Variants in ACACA observed in about 807,000 individuals in gnomAD.
ACACA encodes the protein acetyl-CoA carboxylase alpha.
ACACA carries 103 observed loss-of-function variants against 296.1 expected under a neutral mutation model. That is an observed-to-expected ratio of 0.35 (90% CI 0.30 to 0.41). The LOEUF is 0.41. Among genes scored for constraint, ACACA ranks in the 10% least tolerant of loss-of-function variants. The pLI, the probability that ACACA is intolerant of heterozygous loss-of-function variation, is 1.00. For synonymous variants in ACACA, 953 were observed against 1,038.6 expected (o/e 0.92, Z 1.58); for missense variants, 1,554 against 2,989.7 (o/e 0.52, Z 11.20).
chr17:37,242,085 C>T (rs1219136312), intron 22 of ACACA, 32 bp from the exon 23 acceptor site: 1 of 1,560,704 alleles, frequency 6.4e-7, no homozygotes, highest in African/African-American at 1.4e-5. Context: ...AAAATGAGGC[C>T]CAACCCAACA....
chr17:37,091,900 C>T (rs2072663398), intron 54 of ACACA, among the ~76,000 whole-genome samples: 1 of 152,188 alleles, frequency 6.6e-6, no homozygotes, highest in South Asian at 2.1e-4. Flanking sequence ...CTTGTTTGCT[C>T]CCTTAGAACA....
Position 37,097,234 on chromosome 17 carries a change from C to A in ACACA, c.6721-68G>T, listed in dbSNP as rs2073049411. ...GCTTAATGCTCAGTCTGGAGGGAAA[C>A]CCACAGGCATAAAAACTGATTCTCC... On this transcript the variant is annotated intron_variant, in intron 53 of 55. Coordinates refer to ENST00000616317, the MANE Select transcript of ACACA (RefSeq NM_198834.3). The surrounding 1 kb of genome is among the most constrained non-coding windows in gnomAD (Gnocchi z 4.8). The A allele has an allele frequency of 1.9e-6, 3 of 1,559,754 alleles. No homozygotes were observed. The highest frequency in any genetic ancestry group is 1.8e-5 in the Admixed American group (1 of 56,716).
intron 35 of ACACA, among the ~76,000 whole-genome samples, chr17:37,193,971 T>G (rs1284898558): frequency 6.6e-6 from 1 of 152,124 alleles, no homozygotes; most frequent in Non-Finnish European, 1.5e-5. Flanking sequence ...ACTATATGTA[T>G]AGGAAAGAAT....
intron 1 of ACACA, among the ~76,000 whole-genome samples, chr17:37,402,865 G>C (rs577993177): frequency 6.6e-6 from 1 of 152,118 alleles, no homozygotes; most frequent in African/African-American, 2.4e-5. Flanking sequence ...GTTGAGATGG[G>C]GTTTCACCAT....
At chr17:37,342,437 ATAT>A (rs1292866837) in intron 1 of ACACA, among the ~76,000 whole-genome samples, 44 of 59,664 alleles carry the variant, frequency 7.4e-4, no homozygotes, top group East Asian at 1.4e-3. Flanking sequence ...AAAAAAAAAA[ATAT>A]ATATATATAT....
At chr17:37,190,868 G>A (rs567893695) in intron 38 of ACACA, among the ~76,000 whole-genome samples, 1 of 152,160 alleles carries the variant, frequency 6.6e-6, no homozygotes, top group Non-Finnish European at 1.5e-5. Flanking sequence ...TCATGTTTTT[G>A]TACTGCTTAT....
rs1443025987 is a variant in ACACA at position 37,086,126 on chromosome 17, C to T, written c.*1190G>A. 4.3e-6 allele frequency: 1 copy of T among 233,860 alleles called. No individual in the cohort carries two copies. The highest frequency in any genetic ancestry group is 2.2e-5 in the African/African-American group (1 of 44,568). 14.5% of individuals were successfully genotyped at this position (233,860 alleles called of 1,614,324 possible). A position where few individuals can be genotyped will look rare whatever the true frequency, so the allele number is the denominator to read the frequency against. On this transcript the variant is annotated 3_prime_UTR_variant, in exon 56 of 56. Transcript: ENST00000616317. ...AAATAATCTTAAGGTCATGTGGATT[C>T]TGTGTTTCCTGGAAGCCTCCCTCAT...
At chr17:37,337,874 G>T (rs937015973) in intron 2 of ACACA, among the ~76,000 whole-genome samples, 12 of 152,042 alleles carry the variant, frequency 7.9e-5, no homozygotes, top group Non-Finnish European at 1.5e-4. Flanking sequence ...AAGGTAGGTG[G>T]ATCACAAGGT....
At chr17:37,343,257 C>T (rs2048468348) in intron 1 of ACACA, among the ~76,000 whole-genome samples, 1 of 151,888 alleles carries the variant, frequency 6.6e-6, no homozygotes, top group African/African-American at 2.4e-5. Context: ...GGATTACAGG[C>T]GTGAGCCACT....
chr17:37,373,323 C>T (rs2049874162), intron 1 of ACACA, among the ~76,000 whole-genome samples: 1 of 152,050 alleles, frequency 6.6e-6, no homozygotes, highest in Non-Finnish European at 1.5e-5. Flanking sequence ...TGTTGGCTCA[C>T]CACAACCTCT....
chr17:37,132,733 T>G (rs566345868), intron 45 of ACACA, among the ~76,000 whole-genome samples: 1 of 152,156 alleles, frequency 6.6e-6, no homozygotes, highest in East Asian at 1.9e-4. Context: ...ATCTTACACA[T>G]CTCCAAAACT....
intron 1 of ACACA, among the ~76,000 whole-genome samples, chr17:37,381,272 T>A (rs1409173788): frequency 6.6e-6 from 1 of 151,604 alleles, no homozygotes; most frequent in Non-Finnish European, 1.5e-5. Context: ...TGCAACCTCC[T>A]CCTCCCAGGT....
chr17:37,166,215 C>T (rs962011835), intron 41 of ACACA, among the ~76,000 whole-genome samples: 5 of 152,038 alleles, frequency 3.3e-5, no homozygotes, highest in Non-Finnish European at 7.4e-5. Flanking sequence ...CTCACTGAAG[C>T]CTTGGCCTCC....
chr17:37,406,604 G>T lies in ACACA; in HGVS notation c.-305C>A. 1 of 554,402 alleles carries T rather than the reference G, an allele frequency of 1.8e-6. No individual in the cohort carries two copies. Among genetic ancestry groups the T allele is most frequent in the Admixed American group, 3.1e-5 (1 of 32,224 alleles). The allele number at this position is 554,402 out of a possible 1,614,324, so 34.3% of individuals were successfully genotyped here. A position where few individuals can be genotyped will look rare whatever the true frequency, so the allele number is the denominator to read the frequency against. Reference sequence around the variant, plus strand: ...CGGCCCGCCTCACCGCACTCCGGAGGGGACCAAACAGCCCCACGCGCCAGG... The same window carrying T: ...CGGCCCGCCTCACCGCACTCCGGAGTGGACCAAACAGCCCCACGCGCCAGG... On this transcript the variant is annotated 5_prime_UTR_variant, in exon 1 of 56. Transcript: ENST00000616317.
chr17:37,219,182 A>G (rs754159180), intron 29 of ACACA, among the ~76,000 whole-genome samples: 28 of 152,266 alleles, frequency 1.8e-4, no homozygotes, highest in Middle Eastern at 3.4e-3. Flanking sequence ...TACGTAATGA[A>G]GCCCTGATTT....
intron 42 of ACACA, among the ~76,000 whole-genome samples, chr17:37,156,053 C>A (rs369776798): frequency 5.3e-5 from 5 of 94,010 alleles, no homozygotes; most frequent in African/African-American, 8.7e-5. Context: ...TTCTTTCTTT[C>A]TTTTTTTTTT....
At chr17:37,121,009 G>T (rs1241181831) in intron 50 of ACACA, among the ~76,000 whole-genome samples, 1 of 152,076 alleles carries the variant, frequency 6.6e-6, no homozygotes, top group Non-Finnish European at 1.5e-5. Flanking sequence ...AGAACATTAG[G>T]AGTAACACCA....
chr17:37,142,925 G>A (rs368267771), intron 45 of ACACA, among the ~76,000 whole-genome samples: 18 of 152,270 alleles, frequency 1.2e-4, no homozygotes, highest in East Asian at 3.9e-4. Flanking sequence ...TAATGTGTTC[G>A]TATTTCCTTT....
At chr17:37,130,009 G>C in intron 46 of ACACA, 66 bp downstream of exon 46, 2 of 1,584,574 alleles carry the variant, frequency 1.3e-6, no homozygotes. Flanking sequence ...AAACACAGAG[G>C]CAGTGAGCTG....
Sources: gnomAD v4.1 joint callset for allele counts (sites outside exome capture counted in the v4.1 genomes callset) on GRCh38, gnomAD v4.1.1 for gene constraint, Gnocchi (gnomAD v3.1) non-coding constraint, MANE v1.5 for transcripts, NCBI Gene and HGNC (gene_info 2026-07-23, HGNC 2026-07-21) for gene names.